The following UBE4B variants were observed in gnomAD, a reference collection of about 807,000 sequenced individuals.
UBE4B encodes the protein ubiquitination factor E4B.
UBE4B carries 27 observed loss-of-function variants against 148.1 expected under a neutral mutation model. The ratio of observed to expected loss-of-function variants is 0.18; its 90% CI spans 0.13 to 0.25. The LOEUF (loss-of-function observed/expected upper bound fraction) is 0.25. UBE4B is among the 10% of genes least tolerant of loss of function. The pLI is 1.00. For synonymous variants in UBE4B, 596 were observed against 619.3 expected (o/e 0.96, Z 0.56); for missense variants, 1,170 against 1,662.4 (o/e 0.70, Z 5.15).
At chr1:10,057,159 T>G (rs563669387) in intron 1 of UBE4B, among the ~76,000 whole-genome samples, 1 of 152,118 alleles carries the variant, frequency 6.6e-6, no homozygotes, top group South Asian at 2.1e-4. Flanking sequence ...TTAAGTATTA[T>G]GGGTGACTTA....
chr1:10,037,518 CAT>C (rs568483209), intron 1 of UBE4B, among the ~76,000 whole-genome samples: 53 of 152,250 alleles, frequency 3.5e-4, no homozygotes, highest in East Asian at 5.8e-4. Flanking sequence ...ATAATCTACT[CAT>C]GTGTTGTTTT....
At chr1:10,051,464 A>C (rs1644042730) in intron 1 of UBE4B, among the ~76,000 whole-genome samples, 1 of 152,202 alleles carries the variant, frequency 6.6e-6, no homozygotes, top group Admixed American at 6.5e-5. Context: ...CAACAGCATA[A>C]ATAGTGGTAT....
intron 1 of UBE4B, among the ~76,000 whole-genome samples, chr1:10,040,647 C>T (rs1643722809): frequency 2.1e-5 from 3 of 145,276 alleles, no homozygotes; most frequent in South Asian, 2.2e-4. Flanking sequence ...GATGGAGTTT[C>T]GCTCTTGTTG....
chr1:10,129,250 C>T, intron 11 of UBE4B, 142 bp from the exon 12 acceptor site: 4 of 549,806 alleles, frequency 7.3e-6, no homozygotes, highest in Non-Finnish European at 1.3e-5. Flanking sequence ...AGTAGTGAAG[C>T]TGCTGCCATT....
At chr1:10,076,547 A>G (rs1354732567) in intron 2 of UBE4B, among the ~76,000 whole-genome samples, 1 of 151,528 alleles carries the variant, frequency 6.6e-6, no homozygotes, top group Non-Finnish European at 1.5e-5. Context: ...CCTGGCCAAG[A>G]AGTGCTAACA....
At position 10,180,197 on chromosome 1, in the gene UBE4B, G is replaced by A. The variant is rs1437910454; in HGVS notation, c.*241G>A. 1.1e-5 allele frequency: 6 copies of A among 555,136 alleles called. No homozygotes were observed. The highest frequency in any genetic ancestry group is 3.8e-5 in the African/African-American group (2 of 52,920). 34.4% of individuals were successfully genotyped at this position (555,136 alleles called of 1,614,324 possible). A position where few individuals can be genotyped will look rare whatever the true frequency, so the allele number is the denominator to read the frequency against. On this transcript the variant is annotated 3_prime_UTR_variant, in exon 28 of 28. Coordinates refer to ENST00000343090, the MANE Select transcript of UBE4B (RefSeq NM_001105562.3). ...AAAAGCTTAAGGGACAGGTTTTATGGTTGCTTGTGTAATAAAGCATGTCCT... is the reference window on the plus strand; with the variant it reads ...AAAAGCTTAAGGGACAGGTTTTATGATTGCTTGTGTAATAAAGCATGTCCT...
Position 10,106,387 on chromosome 1 carries a change from A to C in UBE4B, c.1000A>C (p.Thr334Pro). 6.2e-7 allele frequency: 1 copy of C among 1,613,346 alleles called. No individual in the cohort carries two copies. Among genetic ancestry groups the C allele is most frequent in the African/African-American group, 1.3e-5 (1 of 74,946 alleles). The change falls in exon 7 of 28, where the codon ACT becomes CCT. Residue 334 changes from threonine (T) to proline (P), a missense_variant. Coordinates refer to ENST00000343090, the MANE Select transcript of UBE4B (RefSeq NM_001105562.3). The surrounding 1 kb of genome is among the most constrained non-coding windows in gnomAD (Gnocchi z 4.2). ...QPSSPRYRPY[T>P]VTHPWASSGV... ...TTCATCCCCGCGGTATCGCCCCTAC[A>C]CTGTCACTCACCCATGGGCGTCCTC...
At chr1:10,134,756 T>A (rs1645650134) in intron 15 of UBE4B, among the ~76,000 whole-genome samples, 2 of 151,818 alleles carry the variant, frequency 1.3e-5, no homozygotes, top group African/African-American at 4.8e-5. Context: ...TCTTGGCTGG[T>A]CACAGTGGCT....
rs774468736 is a variant in UBE4B, at chr1:10,171,132, T to C, written c.3334-6T>C. On this transcript the variant is annotated splice_region_variant and splice_polypyrimidine_tract_variant and intron_variant, in intron 24 of 27. Coordinates refer to ENST00000343090, the MANE Select transcript of UBE4B (RefSeq NM_001105562.3). ...TGAATTGTCCTATTATCCTGTGATT[T>C]CCTAGGAGCTTGGACCCCGATTGGC... 6.2e-7 allele frequency: 1 copy of C among 1,612,728 alleles called. No individual in the cohort carries two copies. Among genetic ancestry groups the C allele is most frequent in the South Asian group, 1.1e-5 (1 of 90,936 alleles).
chr1:10,101,382 C>G (rs1254004901), intron 4 of UBE4B, among the ~76,000 whole-genome samples, 187 bp downstream of exon 4: 3 of 151,246 alleles, frequency 2.0e-5, no homozygotes, highest in Non-Finnish European at 4.4e-5. Context: ...TAACTCAGTC[C>G]TTTGATCTGA....
chr1:10,040,735 A>G (rs1158156711), intron 1 of UBE4B, among the ~76,000 whole-genome samples: 4 of 151,502 alleles, frequency 2.6e-5, no homozygotes, highest in Non-Finnish European at 5.9e-5. Flanking sequence ...CTCCTGCCTC[A>G]GCCTCCCGAG....
intron 1 of UBE4B, among the ~76,000 whole-genome samples, chr1:10,055,041 C>T (rs931827292): frequency 6.6e-6 from 1 of 152,254 alleles, no homozygotes; most frequent in Non-Finnish European, 1.5e-5. Context: ...CTGCCTCGGC[C>T]TCCCAAAGTG....
intron 17 of UBE4B, among the ~76,000 whole-genome samples, chr1:10,144,609 C>T (rs953333482): frequency 1.5e-4 from 23 of 152,014 alleles, no homozygotes; most frequent in African/African-American, 5.3e-4. Context: ...GTGGTGAGCA[C>T]CTGTAATCCC....
At chr1:10,077,200 C>T (rs867939715) in intron 2 of UBE4B, among the ~76,000 whole-genome samples, 2 of 152,142 alleles carry the variant, frequency 1.3e-5, no homozygotes, top group Non-Finnish European at 2.9e-5. Context: ...AGGGCGATGC[C>T]TCCCAATAAG....
chr1:10,131,170 A>G (rs749153864), intron 14 of UBE4B, among the ~76,000 whole-genome samples: 14 of 152,296 alleles, frequency 9.2e-5, no homozygotes, highest in Middle Eastern at 3.4e-3. Flanking sequence ...TATGTCTTCA[A>G]TTCTCAAACT....
chr1:10,044,386 A>G (rs904426333), intron 1 of UBE4B, among the ~76,000 whole-genome samples: 3 of 151,430 alleles, frequency 2.0e-5, no homozygotes, highest in African/African-American at 7.3e-5. Context: ...AACACCACCA[A>G]GTGAATTAGG....
rs1337605952 is a variant in UBE4B at position 10,132,381 on chromosome 1, A to C, written c.1924A>C (p.Lys642Gln). 6 of 1,609,934 alleles carry C rather than the reference A, an allele frequency of 3.7e-6. No homozygotes were observed. The highest frequency in any genetic ancestry group is 3.3e-4 in the Middle Eastern group (2 of 6,036). The change falls in exon 15 of 28, where the codon AAG becomes CAG. Residue 642 changes from lysine (K) to glutamine (Q), a missense_variant. Coordinates refer to ENST00000343090, the MANE Select transcript of UBE4B (RefSeq NM_001105562.3). Reference protein sequence around the residue: ...YLELGRQELFKILHSILLNGE... With the variant: ...YLELGRQELFQILHSILLNGE... ...AAATAAATTTCAGCAAGAGCTTTTT[A>C]AGATTCTGCATAGTATTTTGTTAAA...
intron 17 of UBE4B, among the ~76,000 whole-genome samples, chr1:10,142,619 T>C (rs1317683420): frequency 6.6e-6 from 1 of 151,906 alleles, no homozygotes; most frequent in Admixed American, 6.6e-5. Context: ...TGCAGTGAGC[T>C]GAGATTGCGC....
Position 10,039,851 on chromosome 1 carries a change from A to G in UBE4B, c.24+6157A>G, listed in dbSNP as rs189011013. Among the ~76,000 whole-genome samples, 20 of 152,242 alleles carry G rather than the reference A, an allele frequency of 1.3e-4. No homozygotes were observed. In the East Asian group the frequency reaches 3.3e-3, roughly 25 times the overall value. ...AGAAGGTGGCTGCAGACTGCAAGAC[A>G]TATTAGGAGGCTGTTGTTGCTGTAT... On this transcript the variant is annotated intron_variant, in intron 1 of 27. Coordinates refer to ENST00000343090, the MANE Select transcript of UBE4B (RefSeq NM_001105562.3).
Sources: allele counts gnomAD v4.1 joint callset (sites outside exome capture counted in the v4.1 genomes callset), GRCh38; gene constraint gnomAD v4.1.1; non-coding constraint Gnocchi (gnomAD v3.1); transcripts MANE v1.5; gene names NCBI Gene and HGNC (gene_info 2026-07-23, HGNC 2026-07-21).